Variants in TBL1XR1 observed in about 807,000 individuals in gnomAD.
TBL1XR1 encodes F-box-like/WD repeat-containing protein TBL1XR1.
Under a neutral mutation model 66.9 loss-of-function variants are expected in TBL1XR1, and 5 were observed. The ratio of observed to expected loss-of-function variants is 0.07; its 90% CI spans 0.04 to 0.16. The LOEUF is 0.16. TBL1XR1 is among the 10% of genes least tolerant of loss of function. The pLI, the probability that TBL1XR1 is intolerant of heterozygous loss-of-function variation, is 1.00. For missense variants in TBL1XR1, 238 were observed against 623.2 expected (o/e 0.38, Z 6.58); for synonymous variants, 210 against 206.0 (o/e 1.02, Z -0.17).
chr3:177,061,232 G>C (rs1000446174), intron 3 of TBL1XR1, among the ~76,000 whole-genome samples: 2 of 152,086 alleles, frequency 1.3e-5, no homozygotes, highest in South Asian at 4.1e-4. Flanking sequence ...CCACAGCAAC[G>C]TATTTTATAG....
At chr3:177,123,110 T>A (rs1384445297) in intron 1 of TBL1XR1, among the ~76,000 whole-genome samples, 11 of 152,080 alleles carry the variant, frequency 7.2e-5, no homozygotes. Context: ...CAGAGAAACC[T>A]GTGAACAGCA....
At position 177,038,140 on chromosome 3, in the gene TBL1XR1, A is replaced by G. The variant is rs1364989350; in HGVS notation, c.1080T>C (p.Thr360=). The change falls in exon 12 of 16, where the codon ACT becomes ACC. Residue 360 remains threonine (T), a synonymous_variant. Coordinates refer to ENST00000457928, the MANE Select transcript of TBL1XR1 (RefSeq NM_024665.7). Reference sequence around the variant, plus strand: ...CAGAACAGGAGGCCAAGAGATTGCCAGTTGGGTCCCATTTGATAGCATTTA... The same window carrying G: ...CAGAACAGGAGGCCAAGAGATTGCCGGTTGGGTCCCATTTGATAGCATTTA... ...NEVNAIKWDP[T]GNLLASCSDD... 1 of 1,613,186 alleles carries G rather than the reference A, an allele frequency of 6.2e-7. No homozygotes were observed. Among genetic ancestry groups the G allele is most frequent in the Non-Finnish European group, 8.5e-7 (1 of 1,179,826 alleles).
intron 2 of TBL1XR1, among the ~76,000 whole-genome samples, chr3:177,066,344 A>G (rs1474671178): frequency 1.3e-5 from 2 of 152,172 alleles, no homozygotes; most frequent in South Asian, 2.1e-4. Context: ...AACTAAAGTT[A>G]GCAGTCTAGG....
rs114299780 is a variant in TBL1XR1, at chr3:177,151,557, C to T, written c.-122+45564G>A. 3.5e-3 allele frequency among the ~76,000 whole-genome samples: 527 copies of T among 152,208 alleles called. 2 individuals carry two copies. The highest frequency in any genetic ancestry group is 0.012 in the African/African-American group (488 of 41,526). On this transcript the variant is annotated intron_variant, in intron 1 of 15. Coordinates refer to ENST00000457928, the MANE Select transcript of TBL1XR1 (RefSeq NM_024665.7). ...TGAAACCACCCGCCTACCCTCTGTC[C>T]GTGGAAAAACTGTCTTCCATAAAAC...
At chr3:177,172,720 C>A in intron 1 of TBL1XR1, among the ~76,000 whole-genome samples, 1 of 149,056 alleles carries the variant, frequency 6.7e-6, no homozygotes, top group Non-Finnish European at 1.5e-5. Flanking sequence ...AAGAGCCAAG[C>A]CGAGCCAAGC....
In TBL1XR1 at chr3:177,077,972, C is replaced by T. The variant is rs184574173; in HGVS notation, c.-45-12950G>A. 3.2e-4 allele frequency among the ~76,000 whole-genome samples: 48 copies of T among 152,282 alleles called. 1 individual carries two copies. In the East Asian group the frequency reaches 5.0e-3, roughly 16 times the overall value. On this transcript the variant is annotated intron_variant, in intron 2 of 15. Transcript: ENST00000457928. The stretch of plus-strand genomic sequence containing the variant: ...AAGTCATTTTAACTTCCCGGAGCCC[C>T]AGTTTCTTCAACTGTGAAAGAGAAT...
upstream of TBL1XR1, among the ~76,000 whole-genome samples, chr3:177,199,833 TACAAGACATTTCTGTGCGTAA>T (rs1737306822): frequency 6.6e-6 from 1 of 152,194 alleles, no homozygotes; most frequent in African/African-American, 2.4e-5. Context: ...CCCTGTAGTT[TACAAGACATTTCTGTGCGTAA>T]ATGACTGCAT....
chr3:177,148,964 A>G (rs1208737567), intron 1 of TBL1XR1, among the ~76,000 whole-genome samples: 1 of 151,370 alleles, frequency 6.6e-6, no homozygotes, highest in African/African-American at 2.4e-5. Context: ...AGATCACGCC[A>G]TTGCACTCCA....
In TBL1XR1 at chr3:177,051,741, T is replaced by C. The variant is rs769524471; in HGVS notation, c.205-15A>G. On this transcript the variant is annotated splice_polypyrimidine_tract_variant and intron_variant, in intron 4 of 15. Coordinates refer to ENST00000457928, the MANE Select transcript of TBL1XR1 (RefSeq NM_024665.7). ...AAGGTACCATCCTGGATTTGGAAAA[T>C]TGTGAGAGAAGAAAAATCAAAGGCA... The C allele has an allele frequency of 1.3e-6, 2 of 1,518,754 alleles. No homozygotes were observed. The highest frequency in any genetic ancestry group is 2.2e-5 in the Admixed American group (1 of 45,076). 94.1% of individuals were successfully genotyped at this position (1,518,754 alleles called of 1,614,324 possible). A position where few individuals can be genotyped will look rare whatever the true frequency, so the allele number is the denominator to read the frequency against.
At chr3:177,043,001 A>C (rs1346491283) in intron 10 of TBL1XR1, among the ~76,000 whole-genome samples, 4 of 152,160 alleles carry the variant, frequency 2.6e-5, no homozygotes, top group Admixed American at 2.0e-4. Flanking sequence ...TATATTATTA[A>C]CTTATAAAAT....
chr3:177,082,152 G>A (rs1015992657), intron 2 of TBL1XR1, among the ~76,000 whole-genome samples: 1 of 152,050 alleles, frequency 6.6e-6, no homozygotes. Context: ...AATGGCTAGA[G>A]CTACGCACAA....
chr3:177,117,773 T>C lies in TBL1XR1; in HGVS notation c.-121-19232A>G, dbSNP rs191304151. On this transcript the variant is annotated intron_variant, in intron 1 of 15. Coordinates refer to ENST00000457928, the MANE Select transcript of TBL1XR1 (RefSeq NM_024665.7). Reference sequence around the variant, plus strand: ...AGAGCTTTAATAAACTCTACTTCTATGCCACTGATTGGGAGAAATATAAAG... The same window carrying C: ...AGAGCTTTAATAAACTCTACTTCTACGCCACTGATTGGGAGAAATATAAAG... Among the ~76,000 whole-genome samples the C allele has an allele frequency of 7.2e-5, 11 of 152,320 alleles. No homozygotes were observed. The East Asian group carries it at 2.1e-3, about 29-fold the overall frequency.
chr3:177,152,435 C>T (rs1731003228), intron 1 of TBL1XR1, among the ~76,000 whole-genome samples: 1 of 152,046 alleles, frequency 6.6e-6, no homozygotes, highest in African/African-American at 2.4e-5. Context: ...TACAGGCACC[C>T]ACCACCACGC....
intron 1 of TBL1XR1, among the ~76,000 whole-genome samples, chr3:177,182,790 A>G (rs1368137272): frequency 6.6e-6 from 1 of 152,214 alleles, no homozygotes; most frequent in Non-Finnish European, 1.5e-5. Flanking sequence ...CTTCAATCAA[A>G]TAGTGTAACT....
At chr3:177,187,159 T>G (rs1431370823) in intron 1 of TBL1XR1, among the ~76,000 whole-genome samples, 1 of 117,944 alleles carries the variant, frequency 8.5e-6, no homozygotes, top group African/African-American at 3.0e-5. Context: ...AGAGCAAGAC[T>G]CTGTCTCAAA....
At chr3:177,192,646 C>T (rs780346143) in intron 1 of TBL1XR1, among the ~76,000 whole-genome samples, 84 of 152,186 alleles carry the variant, frequency 5.5e-4, no homozygotes, top group Non-Finnish European at 9.8e-4. Context: ...GCTATCAAAT[C>T]CTTCCTATGA....
At chr3:177,180,835 C>T (rs1435781693) in intron 1 of TBL1XR1, among the ~76,000 whole-genome samples, 1 of 151,904 alleles carries the variant, frequency 6.6e-6, no homozygotes, top group Non-Finnish European at 1.5e-5. Flanking sequence ...CTCCTGGGTT[C>T]AAGGGATTCT....
chr3:177,200,473 A>G (rs1299714068), upstream of TBL1XR1, among the ~76,000 whole-genome samples: 1 of 152,172 alleles, frequency 6.6e-6, no homozygotes, highest in Admixed American at 6.5e-5. Flanking sequence ...GGTCATATGT[A>G]TTGTCGCCTC....
intron 1 of TBL1XR1, among the ~76,000 whole-genome samples, chr3:177,178,463 A>T (rs1734418651): frequency 6.6e-6 from 1 of 152,244 alleles, no homozygotes; most frequent in Non-Finnish European, 1.5e-5. Context: ...AAGGAAGACC[A>T]TCCCTATGCC....
Sources: allele counts gnomAD v4.1 joint callset (sites outside exome capture counted in the v4.1 genomes callset), GRCh38; gene constraint gnomAD v4.1.1; transcripts MANE v1.5; gene names NCBI Gene and HGNC (gene_info 2026-07-23, HGNC 2026-07-21).